The following MYCBP2 variants were observed in gnomAD, a reference collection of about 807,000 sequenced individuals.
The protein encoded by MYCBP2 is E3 ubiquitin-protein ligase MYCBP2.
A neutral mutation model predicts 525.3 loss-of-function variants in MYCBP2; 120 were observed. The ratio of observed to expected loss-of-function variants is 0.23; its 90% confidence interval spans 0.20 to 0.27. The LOEUF (loss-of-function observed/expected upper bound fraction) is 0.27, where lower values mean the gene tolerates loss of function less well. MYCBP2 is among the 10% of genes least tolerant of loss of function. MYCBP2 has a pLI of 1.00. For synonymous variants in MYCBP2, 1,894 were observed against 1,955.8 expected, an observed-to-expected ratio of 0.97 and a Z score of 0.83; for missense variants, 4,149 against 5,657.1, an observed-to-expected ratio of 0.73 and a Z score of 8.55.
At position 77,055,661 on chromosome 13, in the gene MYCBP2, T is replaced by C. The variant is rs1315006250; in HGVS notation, c.13544A>G (p.His4515Arg). Residue 4515 changes from histidine (H) to arginine (R), a missense_variant, in exon 80 of 83, where the codon CAT becomes CGT. His to Arg is a conservative substitution (Grantham distance 29). This residue lies in a region of MYCBP2 where 220 missense variants were observed against 396.0 expected (regional missense o/e 0.56). Transcript: ENST00000544440. Reference protein sequence around the residue: ...ALMRLEYEGLHKSEAITTPGV... With the variant: ...ALMRLEYEGLRKSEAITTPGV... ...AGGAGTTGTGATAGCTTCACTCTTA[T>C]GCAGACCTTCATATTCCAATCTCAT... The C allele has an allele frequency of 1.2e-6, 2 of 1,614,140 alleles. No homozygotes were observed. The highest frequency in any genetic ancestry group is 1.7e-5 in the Admixed American group (1 of 60,030).
At chr13:77,140,005 TTC>T (rs755396048) in intron 51 of MYCBP2, 40 bp downstream of exon 51, 11 of 1,407,216 alleles carry the variant, frequency 7.8e-6, no homozygotes, top group Admixed American at 2.1e-5. Context: ...TGCAAAAACT[TTC>T]TGTCCAAAAT....
In MYCBP2 at chr13:77,129,328, C is replaced by T. The variant is rs9600820; in HGVS notation, c.7660-2786G>A. 5.6e-3 allele frequency: 2,188 copies of T among 391,684 alleles called. 44 individuals are homozygous for T. The highest frequency in any genetic ancestry group is 0.04 in the African/African-American group (1,926 of 48,500). 24.3% of individuals were successfully genotyped at this position (391,684 alleles called of 1,614,324 possible). A position where few individuals can be genotyped will look rare whatever the true frequency, so the allele number is the denominator to read the frequency against. On this transcript the variant is annotated intron_variant, in intron 52 of 82. Transcript: ENST00000544440. Reference sequence around the variant, plus strand: ...TGCACAGTAACAACATTTTTCTGTACTCTAGCACCAACATGGAAATATTAT... The same window carrying T: ...TGCACAGTAACAACATTTTTCTGTATTCTAGCACCAACATGGAAATATTAT...
Position 77,186,015 on chromosome 13 carries a change from A to C in MYCBP2, c.4300T>G (p.Leu1434Val), listed in dbSNP as rs755509716. 6.2e-7 allele frequency: 1 copy of C among 1,612,128 alleles called. No individual in the cohort carries two copies. Among genetic ancestry groups the C allele is most frequent in the Admixed American group, 1.7e-5 (1 of 59,370 alleles). ...CTAAGTTCTTCAACTCCTAAGACTAAGGTGGTCCAGCTCCAGTGAAGAATA... is the reference window on the plus strand; with the variant it reads ...CTAAGTTCTTCAACTCCTAAGACTACGGTGGTCCAGCTCCAGTGAAGAATA... ...LSILHWSWTT[L>V]VLGVEELRGL... Residue 1434 changes from leucine to valine, a missense_variant, in exon 31 of 83, where the codon TTA becomes GTA. By Grantham distance (32) the Leu-to-Val change is conservative. This residue lies in a region of MYCBP2 where 292 missense variants were observed against 330.5 expected (regional missense o/e 0.88). Coordinates refer to ENST00000544440, the MANE Select transcript of MYCBP2 (RefSeq NM_015057.5).
At chr13:77,292,215 A>C (rs1189524454) in intron 2 of MYCBP2, among the ~76,000 whole-genome samples, 1 of 152,200 alleles carries the variant, frequency 6.6e-6, no homozygotes, top group African/African-American at 2.4e-5. Context: ...ATGAAGAACT[A>C]GGAAGCCTAT....
intron 7 of MYCBP2, among the ~76,000 whole-genome samples, chr13:77,269,137 G>A (rs1041183433): frequency 9.2e-5 from 14 of 152,306 alleles, no homozygotes; most frequent in Middle Eastern, 3.4e-3. Flanking sequence ...TGTTGGTCAG[G>A]AGATAAGATC....
chr13:77,104,160 G>A (rs922976009), intron 55 of MYCBP2, among the ~76,000 whole-genome samples: 1 of 151,984 alleles, frequency 6.6e-6, no homozygotes, highest in Non-Finnish European at 1.5e-5. Flanking sequence ...CGGTTGTGCT[G>A]AAATAAATTC....
chr13:77,293,729 A>G (rs894978215), intron 2 of MYCBP2, among the ~76,000 whole-genome samples: 29 of 151,878 alleles, frequency 1.9e-4, no homozygotes, highest in Non-Finnish European at 4.0e-4. Context: ...GCATGAGAAA[A>G]CTCAACCAAC....
rs1477402418 is a variant in MYCBP2, at chr13:77,260,496, C to G, written c.1949G>C (p.Ser650Thr). 34 of 1,610,706 alleles carry G rather than the reference C, an allele frequency of 2.1e-5. No homozygotes were observed. The highest frequency in any genetic ancestry group is 2.8e-5 in the Non-Finnish European group (33 of 1,178,050). Reference sequence around the variant, plus strand: ...TTCTCCATCTTTAGAAATAACAGAACTACTTCCATTATTGCAGGCTGTATA... The same window carrying G: ...TTCTCCATCTTTAGAAATAACAGAAGTACTTCCATTATTGCAGGCTGTATA... ...VVYTACNNGS[S>T]SVISKDGELY... Residue 650 changes from serine to threonine, a missense_variant, in exon 13 of 83, where the codon AGT becomes ACT. Around this residue, in one of 21 missense-constraint regions of MYCBP2, gnomAD observed 262 missense variants for 419.3 expected, o/e 0.62. Transcript: ENST00000544440.
At chr13:77,318,569 T>C (rs992448557) in intron 1 of MYCBP2, among the ~76,000 whole-genome samples, 1 of 151,958 alleles carries the variant, frequency 6.6e-6, no homozygotes. Flanking sequence ...GCCTGACCAA[T>C]ATGGTGAAAC....
intron 3 of MYCBP2, among the ~76,000 whole-genome samples, chr13:77,280,577 T>C (rs934477855): frequency 6.6e-6 from 1 of 152,218 alleles, no homozygotes; most frequent in South Asian, 2.1e-4. Flanking sequence ...ACAGATGACA[T>C]TTTTGGCTAA....
chr13:77,105,395 A>C (rs2047700741), intron 55 of MYCBP2, among the ~76,000 whole-genome samples: 1 of 152,122 alleles, frequency 6.6e-6, no homozygotes, highest in Non-Finnish European at 1.5e-5. Flanking sequence ...CAGAGTGAAA[A>C]AAAGAAATAT....
intron 23 of MYCBP2, among the ~76,000 whole-genome samples, chr13:77,208,923 G>T (rs2063665373): frequency 6.6e-6 from 1 of 152,092 alleles, no homozygotes; most frequent in African/African-American, 2.4e-5. Flanking sequence ...GGCTCCTAAA[G>T]AATATAAAAT....
At chr13:77,242,123 G>C (rs1488086533) in intron 17 of MYCBP2, among the ~76,000 whole-genome samples, 1 of 151,712 alleles carries the variant, frequency 6.6e-6, no homozygotes, top group African/African-American at 2.4e-5. Context: ...TTTTTTGTTT[G>C]TTTTCTTTTG....
chr13:77,056,485 A>T (rs2038085240), intron 79 of MYCBP2, among the ~76,000 whole-genome samples: 1 of 152,236 alleles, frequency 6.6e-6, no homozygotes, highest in Admixed American at 6.5e-5. Context: ...TTAGCTTGCC[A>T]AAACAACTTC....
intron 4 of MYCBP2, among the ~76,000 whole-genome samples, chr13:77,274,891 G>C (rs2075344913): frequency 6.6e-6 from 1 of 151,118 alleles, no homozygotes; most frequent in South Asian, 2.1e-4. Context: ...CTCTTCACTT[G>C]TCTGTACACA....
chr13:77,088,948 G>A lies in MYCBP2; in HGVS notation c.10609C>T (p.Arg3537Ter), dbSNP rs772864963. 1.9e-6 allele frequency: 3 copies of A among 1,613,450 alleles called. No homozygotes were observed. The highest frequency in any genetic ancestry group is 1.3e-5 in the African/African-American group (1 of 74,976). ...GCTAAAACTGGCCACTGGAAATTTC[G>A]TTCTCCTTTAGAAAGAGAGCTGTGG... is the stretch of plus-strand genomic sequence containing the variant. ...SAHSSLSKGERNFQWPVLAFV... is the reference protein window; with the variant it reads ...SAHSSLSKGE Residue 3537 changes from arginine (R) to a stop codon, truncating the protein, a stop_gained, in exon 61 of 83, where the codon CGA (arginine) becomes TGA (stop). Coordinates refer to ENST00000544440, the MANE Select transcript of MYCBP2 (RefSeq NM_015057.5). LOFTEE classifies it high-confidence loss of function.
At chr13:77,166,966 A>AAC (rs146476533) in intron 40 of MYCBP2, among the ~76,000 whole-genome samples, 9 of 123,872 alleles carry the variant, frequency 7.3e-5, no homozygotes, top group African/African-American at 9.6e-5. Context: ...TCAAAGACAA[A>AAC]ACACACACAT....
At position 77,326,671 on chromosome 13, in the gene MYCBP2, C is replaced by T; in HGVS notation, c.105G>A (p.Gly35=). The part of the protein sequence containing the change: ...AATFSSSPAP[G]ALFMPVPDGS... ...CGTCGGGAACCGGCATGAACAGCGC[C>T]CCCGGCGCCGGGGAGGAAGAGAAGG... The change falls in exon 1 of 83, where the codon GGG becomes GGA. Residue 35 remains glycine (G), a synonymous_variant. Coordinates refer to ENST00000544440, the MANE Select transcript of MYCBP2 (RefSeq NM_015057.5). The surrounding 1 kb of genome is among the most constrained non-coding windows in gnomAD (Gnocchi z 4.2). 6.8e-7 allele frequency: 1 copy of T among 1,474,200 alleles called. No individual in the cohort carries two copies. Among genetic ancestry groups the T allele is most frequent in the Non-Finnish European group, 8.9e-7 (1 of 1,118,774 alleles). 91.3% of individuals were successfully genotyped at this position (1,474,200 alleles called of 1,614,324 possible). A position where few individuals can be genotyped will look rare whatever the true frequency, so the allele number is the denominator to read the frequency against.
chr13:77,071,417 A>C (rs2041265979), intron 68 of MYCBP2, among the ~76,000 whole-genome samples: 1 of 152,218 alleles, frequency 6.6e-6, no homozygotes, highest in South Asian at 2.1e-4. Flanking sequence ...AGAATCAAAA[A>C]TGATGCTTGG....
Sources: gnomAD v4.1 joint callset for allele counts (sites outside exome capture counted in the v4.1 genomes callset) on GRCh38, gnomAD v4.1.1 for gene constraint, gnomAD v4.1.1 regional missense constraint, Gnocchi (gnomAD v3.1) non-coding constraint, MANE v1.5 for transcripts, NCBI Gene and HGNC (gene_info 2026-07-23, HGNC 2026-07-21) for gene names.